Variants in HMGCLL1 observed in about 807,000 individuals in gnomAD.
HMGCLL1 encodes 3-hydroxy-3-methylglutaryl-CoA lyase like 1, also known as 3-hydroxymethyl-3-methylglutaryl-CoA lyase, cytoplasmic.
Under a neutral mutation model 39.1 loss-of-function variants are expected in HMGCLL1, and 36 were observed. The observed-to-expected ratio is 0.92, with a 90% CI of 0.71 to 1.22. The LOEUF (loss-of-function observed/expected upper bound fraction) is 1.22, where lower values mean the gene tolerates loss of function less well. Among genes scored for constraint, HMGCLL1 ranks in the 50% most tolerant of loss-of-function variants. The pLI, the probability that HMGCLL1 is intolerant of heterozygous loss-of-function variation, is 0.00. For synonymous variants in HMGCLL1, 149 were observed against 144.0 expected (o/e 1.03, Z -0.25); for missense variants, 451 against 416.5 (o/e 1.08, Z -0.72).
At chr6:55,445,115 T>C (rs1763760004) in intron 7 of HMGCLL1, among the ~76,000 whole-genome samples, 1 of 152,038 alleles carries the variant, frequency 6.6e-6, no homozygotes, top group Non-Finnish European at 1.5e-5. Context: ...AGGCATCAAT[T>C]CCCTTTAAAG....
At chr6:55,491,136 T>C (rs185974245) in intron 7 of HMGCLL1, among the ~76,000 whole-genome samples, 2 of 152,264 alleles carry the variant, frequency 1.3e-5, no homozygotes, top group African/African-American at 4.8e-5. Flanking sequence ...TTCTTACAAA[T>C]ATAGAACTGA....
At chr6:55,624,818 A>C in the HMGCLL1 span, among the ~76,000 whole-genome samples, 2 of 152,156 alleles carry the variant, frequency 1.3e-5, no homozygotes, top group Non-Finnish European at 2.9e-5. Flanking sequence ...CAACCAAGAA[A>C]GAGACACAAT....
chr6:55,539,922 A>G (rs376319169), intron 3 of HMGCLL1, among the ~76,000 whole-genome samples: 7 of 109,552 alleles, frequency 6.4e-5, no homozygotes, highest in Admixed American at 1.9e-4. Context: ...AAGAAAGAAA[A>G]GGAGGATGAG....
the HMGCLL1 span, among the ~76,000 whole-genome samples, chr6:55,601,880 T>C: frequency 2.6e-5 from 4 of 152,140 alleles, no homozygotes; most frequent in Admixed American, 1.3e-4. Context: ...TTGAGCTAAA[T>C]GCTTTTTCTC....
intron 7 of HMGCLL1, among the ~76,000 whole-genome samples, chr6:55,485,084 G>C (rs916273593): frequency 1.3e-5 from 2 of 152,068 alleles, no homozygotes; most frequent in Admixed American, 6.6e-5. Context: ...GAGATGTTCT[G>C]TTCCCAGTTG....
At chr6:55,664,043 T>C in the HMGCLL1 span, among the ~76,000 whole-genome samples, 4 of 151,862 alleles carry the variant, frequency 2.6e-5, no homozygotes, top group African/African-American at 9.7e-5. Flanking sequence ...CTTTATTTCT[T>C]TATTTTGAGC....
At chr6:55,577,016 G>C in intron 1 of HMGCLL1, 1 of 1,603,850 alleles carries the variant, frequency 6.2e-7, no homozygotes, top group Non-Finnish European at 8.5e-7. Context: ...AGTGAGTGTA[G>C]ATTGTCACTC....
At chr6:55,663,013 G>C in the HMGCLL1 span, among the ~76,000 whole-genome samples, 1 of 151,454 alleles carries the variant, frequency 6.6e-6, no homozygotes, top group Non-Finnish European at 1.5e-5. Flanking sequence ...TTGTATTTCT[G>C]TGAAGGCAGT....
At chr6:55,608,965 C>T in the HMGCLL1 span, among the ~76,000 whole-genome samples, 2 of 152,222 alleles carry the variant, frequency 1.3e-5, no homozygotes, top group Non-Finnish European at 2.9e-5. Context: ...CCACACAGGG[C>T]AGGGGAGGCC....
intron 7 of HMGCLL1, among the ~76,000 whole-genome samples, chr6:55,455,788 A>T (rs1394680157): frequency 6.6e-6 from 1 of 152,186 alleles, no homozygotes; most frequent in Non-Finnish European, 1.5e-5. Context: ...ATTAAAAGAC[A>T]ATCTAAAGGT....
chr6:55,559,393 G>A (rs1445168623), intron 1 of HMGCLL1, among the ~76,000 whole-genome samples: 1 of 152,142 alleles, frequency 6.6e-6, no homozygotes, highest in Non-Finnish European at 1.5e-5. Context: ...AACATAAATA[G>A]GTAAAACTCT....
intron 5 of HMGCLL1, among the ~76,000 whole-genome samples, chr6:55,504,486 T>A (rs1767053462): frequency 6.6e-6 from 1 of 151,678 alleles, no homozygotes; most frequent in South Asian, 2.1e-4. Context: ...TATGCTGAAT[T>A]TTCATTTTCA....
the HMGCLL1 span, among the ~76,000 whole-genome samples, chr6:55,609,078 G>A: frequency 1.3e-5 from 2 of 152,174 alleles, no homozygotes; most frequent in Non-Finnish European, 2.9e-5. Flanking sequence ...AGATCCCATT[G>A]GTGAGCCCAC....
intron 8 of HMGCLL1, among the ~76,000 whole-genome samples, chr6:55,437,702 G>A (rs11753194): frequency 2.5e-4 from 38 of 152,124 alleles, no homozygotes; most frequent in Non-Finnish European, 4.7e-4. Context: ...TCAAGCAGAC[G>A]TAGAGCCTAT....
At chr6:55,601,106 A>C in the HMGCLL1 span, among the ~76,000 whole-genome samples, 2 of 152,184 alleles carry the variant, frequency 1.3e-5, no homozygotes. Context: ...TACTTATTAA[A>C]TATAGCAATC....
the HMGCLL1 span, among the ~76,000 whole-genome samples, chr6:55,633,865 C>CA: frequency 6.6e-6 from 1 of 151,996 alleles, no homozygotes; most frequent in African/African-American, 2.4e-5. Context: ...AAAGTAGAGG[C>CA]AAAAGTGCCG....
chr6:55,551,895 A>G (rs1485145397), intron 1 of HMGCLL1, among the ~76,000 whole-genome samples: 5 of 151,988 alleles, frequency 3.3e-5, no homozygotes, highest in Admixed American at 2.6e-4. Context: ...GGGACAGACA[A>G]CAGCAGATTT....
At chr6:55,442,755 A>G (rs1368384742) in intron 7 of HMGCLL1, among the ~76,000 whole-genome samples, 2 of 152,180 alleles carry the variant, frequency 1.3e-5, no homozygotes, top group Admixed American at 1.3e-4. Context: ...ATTCAGCAGT[A>G]AAATACTGGT....
At chr6:55,589,115 T>C in the HMGCLL1 span, among the ~76,000 whole-genome samples, 2 of 152,094 alleles carry the variant, frequency 1.3e-5, no homozygotes, top group Non-Finnish European at 1.5e-5. Context: ...AAGAGAATTT[T>C]AGACAAATAT....
Sources: gnomAD v4.1 joint callset for allele counts (sites outside exome capture counted in the v4.1 genomes callset) on GRCh38, gnomAD v4.1.1 for gene constraint, MANE v1.5 for transcripts, NCBI Gene and HGNC (gene_info 2026-07-23, HGNC 2026-07-21) for gene names.